ACSL3: variants seen among roughly 807,000 people sequenced by gnomAD.
ACSL3 encodes the protein acyl-CoA synthetase long chain family member 3.
ACSL3 carries 34 observed loss-of-function variants against 84.7 expected under a neutral mutation model. The ratio of observed to expected loss-of-function variants is 0.40; its 90% CI spans 0.31 to 0.53. ACSL3 has a LOEUF of 0.53. Ranked by LOEUF, ACSL3 falls within the 20% of genes least tolerant of loss-of-function variation. ACSL3 has a pLI of 0.48. For synonymous variants in ACSL3, 315 were observed against 299.4 expected (o/e 1.05, Z -0.54); for missense variants, 680 against 873.1 (o/e 0.78, Z 2.79).
chr2:222,877,237 A>G (rs911549203), intron 1 of ACSL3, among the ~76,000 whole-genome samples: 1 of 152,144 alleles, frequency 6.6e-6, no homozygotes, highest in Non-Finnish European at 1.5e-5. Flanking sequence ...GTGGAATAGG[A>G]CTGGTTATGG....
chr2:222,916,513 AT>A lies in ACSL3; in HGVS notation c.556+18del, dbSNP rs754829236. The A allele has an allele frequency of 6.5e-7, 1 of 1,533,292 alleles. No individual in the cohort carries two copies. Among genetic ancestry groups the A allele is most frequent in the Admixed American group, 1.9e-5 (1 of 51,832 alleles). The allele number at this position is 1,533,292 out of a possible 1,614,324, so 95.0% of individuals were successfully genotyped here. On this transcript the variant is annotated intron_variant, in intron 5 of 16. Coordinates refer to ENST00000357430, the MANE Select transcript of ACSL3 (RefSeq NM_004457.5). ...ATTTTCAGCGTATGTAGACTTTCTT[AT>A]CTTCTGGAAGAATGAACTTAACTGA...
intron 3 of ACSL3, among the ~76,000 whole-genome samples, chr2:222,903,436 T>C (rs1312464633): frequency 6.6e-6 from 1 of 152,222 alleles, no homozygotes; most frequent in Non-Finnish European, 1.5e-5. Context: ...GCCACCATGC[T>C]GGCCTGTTTT....
At chr2:222,937,679 G>A (rs902213059) in intron 16 of ACSL3, among the ~76,000 whole-genome samples, 2 of 151,948 alleles carry the variant, frequency 1.3e-5, no homozygotes, top group South Asian at 2.1e-4. Context: ...TTTAGGTTAC[G>A]CATGCCCTTG....
At chr2:222,885,702 A>T in intron 1 of ACSL3, among the ~76,000 whole-genome samples, 1 of 152,194 alleles carries the variant, frequency 6.6e-6, no homozygotes, top group African/African-American at 2.4e-5. Context: ...AGCTAATAAG[A>T]AACAGCAGGG....
intron 11 of ACSL3, among the ~76,000 whole-genome samples, chr2:222,926,146 C>T (rs1192952840): frequency 1.3e-5 from 2 of 152,050 alleles, no homozygotes; most frequent in African/African-American, 2.4e-5. Context: ...AAAGAAAATA[C>T]AGTATAACAA....
At chr2:222,938,997 G>T (rs1347295564) in intron 16 of ACSL3, among the ~76,000 whole-genome samples, 2 of 151,028 alleles carry the variant, frequency 1.3e-5, no homozygotes, top group Admixed American at 6.6e-5. Context: ...CTTTCATTTT[G>T]TTCATGCGTT....
intron 16 of ACSL3, among the ~76,000 whole-genome samples, chr2:222,937,224 G>C (rs1697195933): frequency 7.9e-6 from 1 of 126,904 alleles, no homozygotes; most frequent in African/African-American, 2.7e-5. Context: ...TTCTTTTTCA[G>C]AACAGTTATT....
intron 2 of ACSL3, among the ~76,000 whole-genome samples, chr2:222,889,065 T>C (rs1409439464): frequency 5.3e-5 from 8 of 152,354 alleles, no homozygotes; most frequent in Middle Eastern, 3.4e-3. Context: ...CAAGAGAGTT[T>C]AGCAGATTTA....
intron 11 of ACSL3, among the ~76,000 whole-genome samples, chr2:222,925,022 A>G (rs1401722347): frequency 1.2e-5 from 1 of 85,326 alleles, no homozygotes; most frequent in African/African-American, 4.8e-5. Context: ...CAGAGCGAGA[A>G]TCCGTCTCAA....
intron 16 of ACSL3, among the ~76,000 whole-genome samples, chr2:222,938,410 G>A (rs1436685625): frequency 1.3e-5 from 2 of 151,946 alleles, no homozygotes; most frequent in Admixed American, 6.6e-5. Context: ...CCTTATTTTC[G>A]AAGGACAGGT....
chr2:222,885,854 TG>T (rs1195214847), intron 1 of ACSL3, among the ~76,000 whole-genome samples: 1 of 152,112 alleles, frequency 6.6e-6, no homozygotes, highest in Admixed American at 6.5e-5. Flanking sequence ...GTGATTCTCC[TG>T]CCTCAGCCTC....
chr2:222,876,149 TA>T lies in ACSL3; in HGVS notation c.-206-11677del, dbSNP rs1409185752. On this transcript the variant is annotated intron_variant, in intron 1 of 16. Coordinates refer to ENST00000357430, the MANE Select transcript of ACSL3 (RefSeq NM_004457.5). ...TAGAGTTTGGACTGTTTCACCAGTATAAAAGTATTGGGATTAATAAGCAGGG... is the reference window on the plus strand; with the variant it reads ...TAGAGTTTGGACTGTTTCACCAGTATAAAGTATTGGGATTAATAAGCAGGG... Among the ~76,000 whole-genome samples, 8 of 152,324 alleles carry T rather than the reference TA, an allele frequency of 5.3e-5. No individual in the cohort carries two copies. The East Asian group carries it at 1.5e-3, about 29-fold the overall frequency.
At chr2:222,910,162 A>G (rs1696406947) in intron 4 of ACSL3, among the ~76,000 whole-genome samples, 2 of 152,244 alleles carry the variant, frequency 1.3e-5, no homozygotes, top group African/African-American at 4.8e-5. Flanking sequence ...AAATTATAGT[A>G]GAAAATTCAA....
chr2:222,915,470 C>T (rs928180301), intron 4 of ACSL3, among the ~76,000 whole-genome samples: 4 of 152,076 alleles, frequency 2.6e-5, no homozygotes, highest in African/African-American at 9.7e-5. Context: ...ATTACTGACA[C>T]AGCCATGTTT....
intron 1 of ACSL3, among the ~76,000 whole-genome samples, chr2:222,868,457 A>G (rs1695211140): frequency 6.6e-6 from 1 of 152,174 alleles, no homozygotes; most frequent in Non-Finnish European, 1.5e-5. Flanking sequence ...TTGTTAGAGT[A>G]TGCAGTATTT....
Position 222,876,154 on chromosome 2 carries a change from G to T in ACSL3, c.-206-11676G>T, listed in dbSNP as rs1046666055. ...TTTGGACTGTTTCACCAGTATAAAA[G>T]TATTGGGATTAATAAGCAGGGGAAG... On this transcript the variant is annotated intron_variant, in intron 1 of 16. Transcript: ENST00000357430. Among the ~76,000 whole-genome samples the T allele has an allele frequency of 5.3e-5, 8 of 152,300 alleles. No individual in the cohort carries two copies. The East Asian group carries it at 1.5e-3, about 29-fold the overall frequency.
At chr2:222,874,869 G>A (rs925043503) in intron 1 of ACSL3, among the ~76,000 whole-genome samples, 1 of 151,860 alleles carries the variant, frequency 6.6e-6, no homozygotes, top group Non-Finnish European at 1.5e-5. Context: ...GTACTCAGGA[G>A]GCAGAGATGG....
chr2:222,890,845 G>A lies in ACSL3; in HGVS notation c.-148+2957G>A, dbSNP rs185495841. Among the ~76,000 whole-genome samples the A allele has an allele frequency of 2.0e-3, 298 of 152,264 alleles. 4 individuals are homozygous for A. The highest frequency in any genetic ancestry group is 7.0e-3 in the African/African-American group (291 of 41,544). On this transcript the variant is annotated intron_variant, in intron 2 of 16. Transcript: ENST00000357430. ...TTTAATAGAGACGGGGTTTCTCCAT[G>A]TTGGCCAGGCTGACCTTGAACTCCT...
chr2:222,923,056 A>C (rs112352030), intron 9 of ACSL3, 22 bp from the exon 10 acceptor site: 2 of 1,584,018 alleles, frequency 1.3e-6, no homozygotes, highest in Non-Finnish European at 1.7e-6. Context: ...CTTTATATGG[A>C]TCACTTTTTC....
Sources: allele counts gnomAD v4.1 joint callset (sites outside exome capture counted in the v4.1 genomes callset), GRCh38; gene constraint gnomAD v4.1.1; transcripts MANE v1.5; gene names NCBI Gene and HGNC (gene_info 2026-07-23, HGNC 2026-07-21).